The following ADAMTSL1 variants were observed in gnomAD, a reference collection of about 807,000 sequenced individuals.
ADAMTSL1 encodes the protein ADAMTS like 1.
Under a neutral mutation model 201.8 loss-of-function variants are expected in ADAMTSL1, and 126 were observed. The ratio of observed to expected loss-of-function variants is 0.62; its 90% CI spans 0.54 to 0.72. ADAMTSL1 has a LOEUF of 0.72. Among genes scored for constraint, ADAMTSL1 ranks in the 30% least tolerant of loss-of-function variants. ADAMTSL1 has a pLI of 0.00. For synonymous variants in ADAMTSL1, 1,121 were observed against 903.4 expected (o/e 1.24, Z -4.32); for missense variants, 2,679 against 2,277.8 (o/e 1.18, Z -3.59).
chr9:18,168,934 G>C (rs1269756370), intron 2 of ADAMTSL1, among the ~76,000 whole-genome samples: 1 of 151,602 alleles, frequency 6.6e-6, no homozygotes, highest in African/African-American at 2.4e-5. Context: ...CTTTTGAGAA[G>C]TGTCTGTTCA....
intron 21 of ADAMTSL1, among the ~76,000 whole-genome samples, chr9:18,819,580 C>T (rs377077429): frequency 1.3e-5 from 2 of 152,114 alleles, no homozygotes; most frequent in African/African-American, 2.4e-5. Flanking sequence ...GATATTAAAA[C>T]GAGCTTTGGC....
intron 1 of ADAMTSL1, among the ~76,000 whole-genome samples, chr9:18,090,559 A>T (rs1823966622): frequency 6.6e-6 from 1 of 152,184 alleles, no homozygotes; most frequent in South Asian, 2.1e-4. Flanking sequence ...TCAGAGACAG[A>T]AAAATAGAGT....
intron 1 of ADAMTSL1, among the ~76,000 whole-genome samples, chr9:18,160,162 T>G (rs1181997157): frequency 1.3e-5 from 2 of 152,020 alleles, no homozygotes; most frequent in Admixed American, 6.6e-5. Context: ...CTCTAAGGAA[T>G]GCTTTGGTGT....
At chr9:18,182,681 T>G (rs530863965) in intron 2 of ADAMTSL1, among the ~76,000 whole-genome samples, 4 of 152,328 alleles carry the variant, frequency 2.6e-5, no homozygotes, top group Non-Finnish European at 4.4e-5. Context: ...TATCAGACAC[T>G]AAGTTATGAA....
intron 2 of ADAMTSL1, among the ~76,000 whole-genome samples, chr9:18,243,169 T>A (rs1443606367): frequency 6.6e-6 from 1 of 152,082 alleles, no homozygotes; most frequent in African/African-American, 2.4e-5. Context: ...AGTCCAGAAA[T>A]AAGTTCATAC....
chr9:18,130,785 T>G (rs1043379009), intron 1 of ADAMTSL1, among the ~76,000 whole-genome samples: 16 of 152,158 alleles, frequency 1.1e-4, no homozygotes, highest in African/African-American at 3.6e-4. Flanking sequence ...TCCCTTAGGA[T>G]GCCGTGAACA....
At chr9:18,682,045 A>G in intron 12 of ADAMTSL1, 86 bp downstream of exon 12, 1 of 1,390,436 alleles carries the variant, frequency 7.2e-7, no homozygotes, top group Non-Finnish European at 9.8e-7. Context: ...ATTTTTAAGT[A>G]TCCCAAGTAT....
intron 2 of ADAMTSL1, among the ~76,000 whole-genome samples, chr9:18,231,823 C>G (rs1830656397): frequency 6.6e-6 from 1 of 152,198 alleles, no homozygotes. Flanking sequence ...ATCCTTGACT[C>G]TCCTTGGCCA....
intron 2 of ADAMTSL1, among the ~76,000 whole-genome samples, chr9:18,263,031 A>G (rs1282719155): frequency 6.6e-6 from 1 of 152,244 alleles, no homozygotes; most frequent in East Asian, 1.9e-4. Context: ...CAGGATGTAT[A>G]GCCCAGAGTT....
chr9:18,495,807 G>C (rs916083725), intron 1 of ADAMTSL1, among the ~76,000 whole-genome samples: 2 of 152,076 alleles, frequency 1.3e-5, no homozygotes, highest in African/African-American at 4.8e-5. Context: ...ACAGAAGAAA[G>C]TCCCTGAAAT....
chr9:18,097,137 A>G (rs1333880574), intron 1 of ADAMTSL1, among the ~76,000 whole-genome samples: 5 of 152,244 alleles, frequency 3.3e-5, no homozygotes, highest in Non-Finnish European at 7.3e-5. Context: ...GCAAGCCAAC[A>G]TCACTAGATT....
intron 3 of ADAMTSL1, among the ~76,000 whole-genome samples, chr9:18,561,797 T>A (rs1760729478): frequency 6.6e-6 from 1 of 152,224 alleles, no homozygotes; most frequent in Admixed American, 6.5e-5. Flanking sequence ...TTGTCTGTTT[T>A]GATCTTTGTT....
chr9:18,029,662 A>T (rs553411103), intron 1 of ADAMTSL1, among the ~76,000 whole-genome samples: 1 of 152,086 alleles, frequency 6.6e-6, no homozygotes, highest in African/African-American at 2.4e-5. Context: ...ACAAAGGGCT[A>T]ATATCCAGAA....
chr9:18,514,998 A>G (rs1473801780), intron 2 of ADAMTSL1, among the ~76,000 whole-genome samples: 1 of 152,168 alleles, frequency 6.6e-6, no homozygotes, highest in Non-Finnish European at 1.5e-5. Context: ...AATTTTGCCA[A>G]ATGATTTTTC....
chr9:18,322,948 G>C (rs1303531233), intron 2 of ADAMTSL1, among the ~76,000 whole-genome samples: 1 of 152,154 alleles, frequency 6.6e-6, no homozygotes, highest in East Asian at 1.9e-4. Context: ...AGACTAGTGA[G>C]TTCTATGAAG....
chr9:18,861,821 T>A (rs1827231948), intron 23 of ADAMTSL1, among the ~76,000 whole-genome samples: 1 of 152,204 alleles, frequency 6.6e-6, no homozygotes, highest in African/African-American at 2.4e-5. Flanking sequence ...TTCAGACACC[T>A]CTGTCCTTAC....
intron 7 of ADAMTSL1, among the ~76,000 whole-genome samples, chr9:18,653,363 T>C (rs545337061): frequency 1.3e-5 from 2 of 152,306 alleles, no homozygotes; most frequent in South Asian, 4.1e-4. Context: ...AGTATCTCCT[T>C]CCTGACAAAT....
intron 1 of ADAMTSL1, among the ~76,000 whole-genome samples, chr9:17,930,395 C>A (rs915925729): frequency 6.6e-6 from 1 of 152,104 alleles, no homozygotes; most frequent in Admixed American, 6.6e-5. Flanking sequence ...CTTCTGCCCA[C>A]GTCTACTTTT....
At position 18,746,437 on chromosome 9, in the gene ADAMTSL1, G is replaced by A. The variant is rs1435804641; in HGVS notation, c.2007-6861G>A. ...GGAAACAAATATCTTTGGAAGACAA[G>A]AAAATCACAGGACAGAAGTGTTGGG... On this transcript the variant is annotated intron_variant, in intron 15 of 28. Coordinates refer to ENST00000380548, the MANE Select transcript of ADAMTSL1 (RefSeq NM_001040272.6). 3.3e-5 allele frequency among the ~76,000 whole-genome samples: 5 copies of A among 152,154 alleles called. No individual in the cohort carries two copies. In the East Asian group the frequency reaches 9.6e-4, roughly 29 times the overall value.
Sources: gnomAD v4.1 joint callset for allele counts (sites outside exome capture counted in the v4.1 genomes callset) on GRCh38, gnomAD v4.1.1 for gene constraint, MANE v1.5 for transcripts, NCBI Gene and HGNC (gene_info 2026-07-23, HGNC 2026-07-21) for gene names.